The following SH3GL2 variants were observed in gnomAD, a reference collection of about 807,000 sequenced individuals.
SH3GL2 encodes the protein SH3 domain containing GRB2 like 2, endophilin A1, also known as endophilin-A1.
SH3GL2 carries 24 observed loss-of-function variants against 46.0 expected under a neutral mutation model. The ratio of observed to expected loss-of-function variants is 0.52; its 90% CI spans 0.38 to 0.73. SH3GL2 has a LOEUF of 0.73. Among genes scored for constraint, SH3GL2 ranks in the 30% least tolerant of loss-of-function variants. SH3GL2 has a pLI of 0.00. For missense variants in SH3GL2, 413 were observed against 424.2 expected, an observed-to-expected ratio of 0.97 and a Z score of 0.23; for synonymous variants, 196 against 147.1, an observed-to-expected ratio of 1.33 and a Z score of -2.40.
intron 1 of SH3GL2, among the ~76,000 whole-genome samples, chr9:17,649,393 T>C (rs991734613): frequency 2.0e-5 from 3 of 152,182 alleles, no homozygotes; most frequent in African/African-American, 7.2e-5. Context: ...AAAGGCACAA[T>C]TGAAACCAGT....
intron 1 of SH3GL2, among the ~76,000 whole-genome samples, chr9:17,655,239 G>C (rs1275672378): frequency 1.3e-5 from 2 of 152,158 alleles, no homozygotes; most frequent in Non-Finnish European, 2.9e-5. Context: ...TCATTGTCTT[G>C]TCTTTTTGAA....
At chr9:17,689,939 G>A (rs1821028898) in intron 1 of SH3GL2, among the ~76,000 whole-genome samples, 1 of 152,098 alleles carries the variant, frequency 6.6e-6, no homozygotes, top group Admixed American at 6.6e-5. Context: ...TCTGTCTGTA[G>A]CAACTAGAAC....
intron 1 of SH3GL2, among the ~76,000 whole-genome samples, chr9:17,745,708 C>T (rs908898873): frequency 9.9e-5 from 15 of 152,064 alleles, no homozygotes; most frequent in Non-Finnish European, 2.1e-4. Context: ...AAGGAGATAT[C>T]AGAGCATTCC....
intron 1 of SH3GL2, among the ~76,000 whole-genome samples, chr9:17,644,058 T>C (rs1221273857): frequency 6.6e-6 from 1 of 152,204 alleles, no homozygotes; most frequent in Non-Finnish European, 1.5e-5. Context: ...TGGTTTAGTC[T>C]TGGGAGGGTG....
At chr9:17,708,944 A>C (rs542664098) in intron 1 of SH3GL2, among the ~76,000 whole-genome samples, 11 of 151,988 alleles carry the variant, frequency 7.2e-5, no homozygotes, top group Non-Finnish European at 1.3e-4. Context: ...CATCAATGTT[A>C]TTACCTTTCA....
At chr9:17,738,250 T>C (rs1214230278) in intron 1 of SH3GL2, among the ~76,000 whole-genome samples, 1 of 151,956 alleles carries the variant, frequency 6.6e-6, no homozygotes, top group Non-Finnish European at 1.5e-5. Flanking sequence ...TCTCTTTTTT[T>C]CTGAAGAATG....
chr9:17,785,187 G>A (rs1311915077), intron 3 of SH3GL2, among the ~76,000 whole-genome samples: 2 of 152,252 alleles, frequency 1.3e-5, no homozygotes, highest in African/African-American at 4.8e-5. Context: ...AATCCTTTGC[G>A]ATGCCCCTCC....
intron 1 of SH3GL2, among the ~76,000 whole-genome samples, chr9:17,626,711 C>G (rs1228055180): frequency 2.6e-5 from 4 of 152,160 alleles, no homozygotes; most frequent in African/African-American, 9.7e-5. Context: ...GGAGGAATGG[C>G]TCCCATAGCT....
At chr9:17,592,084 C>T (rs538238279) in intron 1 of SH3GL2, among the ~76,000 whole-genome samples, 1 of 152,210 alleles carries the variant, frequency 6.6e-6, no homozygotes, top group East Asian at 1.9e-4. Context: ...AATCAGGAAA[C>T]CCGGTGGTGT....
chr9:17,611,515 G>A (rs1027520146), intron 1 of SH3GL2, among the ~76,000 whole-genome samples: 10 of 152,146 alleles, frequency 6.6e-5, no homozygotes, highest in African/African-American at 2.4e-4. Context: ...CCATGTCATC[G>A]CATTGGTGTG....
intron 1 of SH3GL2, among the ~76,000 whole-genome samples, chr9:17,709,014 G>T (rs1403474693): frequency 2.6e-5 from 4 of 151,876 alleles, no homozygotes; most frequent in African/African-American, 9.7e-5. Flanking sequence ...TGATTTTGTT[G>T]CCTTGATATA....
chr9:17,727,513 C>A (rs1293813477), intron 1 of SH3GL2, among the ~76,000 whole-genome samples: 2 of 152,156 alleles, frequency 1.3e-5, no homozygotes, highest in East Asian at 3.9e-4. Flanking sequence ...CCATGCCCTC[C>A]AGCCCAAGCT....
At chr9:17,669,368 A>G (rs1267066991) in intron 1 of SH3GL2, among the ~76,000 whole-genome samples, 1 of 152,218 alleles carries the variant, frequency 6.6e-6, no homozygotes, top group Non-Finnish European at 1.5e-5. Context: ...GTCAAAACAT[A>G]GAGCAGTTTC....
intron 1 of SH3GL2, among the ~76,000 whole-genome samples, chr9:17,682,939 A>G (rs992587622): frequency 2.0e-5 from 3 of 151,860 alleles, no homozygotes; most frequent in African/African-American, 7.3e-5. Context: ...TGGGGTGTAG[A>G]AAGCTCACAG....
intron 3 of SH3GL2, among the ~76,000 whole-genome samples, chr9:17,763,839 C>G (rs1240081942): frequency 2.0e-5 from 3 of 152,160 alleles, no homozygotes; most frequent in Admixed American, 1.3e-4. Flanking sequence ...CCTCCTAAGT[C>G]TCTGCACTTC....
At chr9:17,791,463 C>T in intron 7 of SH3GL2, 129 bp downstream of exon 7, 1 of 659,896 alleles carries the variant, frequency 1.5e-6, no homozygotes, top group Non-Finnish European at 2.7e-6. Context: ...TACAGAGGCG[C>T]CTTGTGGATT....
chr9:17,794,110 A>G (rs968601902), intron 8 of SH3GL2, among the ~76,000 whole-genome samples: 3 of 152,266 alleles, frequency 2.0e-5, no homozygotes, highest in South Asian at 4.1e-4. Context: ...AATAAAAGCT[A>G]GATGACATTT....
chr9:17,740,777 C>G (rs1414038912), intron 1 of SH3GL2, among the ~76,000 whole-genome samples: 2 of 146,574 alleles, frequency 1.4e-5, no homozygotes, highest in East Asian at 3.9e-4. Flanking sequence ...AATAATAATC[C>G]CTTATTTAAA....
intron 1 of SH3GL2, among the ~76,000 whole-genome samples, chr9:17,637,531 A>G (rs991098829): frequency 6.6e-6 from 1 of 152,234 alleles, no homozygotes; most frequent in Non-Finnish European, 1.5e-5. Context: ...TTCATATAAA[A>G]GACAGAATTC....
Sources: allele counts gnomAD v4.1 joint callset (sites outside exome capture counted in the v4.1 genomes callset), GRCh38; gene constraint gnomAD v4.1.1; transcripts MANE v1.5; gene names NCBI Gene and HGNC (gene_info 2026-07-23, HGNC 2026-07-21).